The following CHD6 variants were observed in gnomAD, a reference collection of about 807,000 sequenced individuals.
CHD6 encodes the protein chromodomain helicase DNA binding protein 6.
In CHD6, 50 loss-of-function variants were observed where a neutral mutation model predicts 276.9. The observed-to-expected ratio is 0.18, with a 90% CI of 0.14 to 0.23. CHD6 has a LOEUF of 0.23. Among genes scored for constraint, CHD6 ranks in the 10% least tolerant of loss-of-function variants. The probability of loss-of-function intolerance (pLI) is 1.00; values close to 1 mark genes in which losing one functional copy is unlikely to be tolerated. For missense variants in CHD6, 2,564 were observed against 3,365.8 expected, an observed-to-expected ratio of 0.76 and a Z score of 5.89; for synonymous variants, 1,173 against 1,229.3, an observed-to-expected ratio of 0.95 and a Z score of 0.96.
intron 3 of CHD6, among the ~76,000 whole-genome samples, chr20:41,521,268 T>G (rs933661985): frequency 6.6e-6 from 1 of 152,216 alleles, no homozygotes; most frequent in Non-Finnish European, 1.5e-5. Flanking sequence ...TGACTACATA[T>G]TCTCCACTTC....
chr20:41,420,502 C>T lies in CHD6; in HGVS notation c.6127+6G>A, dbSNP rs774100932. 6.2e-7 allele frequency: 1 copy of T among 1,603,300 alleles called. No homozygotes were observed. The highest frequency in any genetic ancestry group is 1.1e-5 in the South Asian group (1 of 89,560). On this transcript the variant is annotated splice_donor_region_variant and intron_variant, in intron 31 of 36. Coordinates refer to ENST00000373233, the MANE Select transcript of CHD6 (RefSeq NM_032221.5). ...CCAAAATGCCACAAGATCCTACATA[C>T]TGTACCTTGACTATGGCAGTTTCCG...
intron 1 of CHD6, among the ~76,000 whole-genome samples, chr20:41,609,637 C>T (rs994389504): frequency 6.6e-6 from 1 of 152,176 alleles, no homozygotes; most frequent in African/African-American, 2.4e-5. Context: ...TTTTAATGTT[C>T]TGTGAGTCTA....
intron 27 of CHD6, among the ~76,000 whole-genome samples, chr20:41,427,454 T>G (rs1217579109): frequency 6.6e-6 from 1 of 152,210 alleles, no homozygotes; most frequent in African/African-American, 2.4e-5. Context: ...ACCATTACTA[T>G]GCTCATTTTA....
intron 16 of CHD6, among the ~76,000 whole-genome samples, chr20:41,478,562 TG>T (rs2043218882): frequency 2.6e-5 from 4 of 152,148 alleles, no homozygotes; most frequent in South Asian, 2.1e-4. Flanking sequence ...CAACTAAGAC[TG>T]CCAGAGAGTG....
chr20:41,526,696 CTG>C (rs1249461218), intron 3 of CHD6, among the ~76,000 whole-genome samples: 1 of 152,178 alleles, frequency 6.6e-6, no homozygotes, highest in Non-Finnish European at 1.5e-5. Context: ...AAAACTGAAA[CTG>C]GGGCTGATCA....
At chr20:41,442,981 TTCTTC>T (rs1185391967) in intron 25 of CHD6, among the ~76,000 whole-genome samples, 3 of 152,234 alleles carry the variant, frequency 2.0e-5, no homozygotes, top group Non-Finnish European at 2.9e-5. Flanking sequence ...CAGAGGCTTT[TTCTTC>T]TCTTGTCTTT....
At chr20:41,601,358 T>G (rs1215985828) in intron 1 of CHD6, among the ~76,000 whole-genome samples, 2 of 152,244 alleles carry the variant, frequency 1.3e-5, no homozygotes, top group Non-Finnish European at 2.9e-5. Flanking sequence ...TTACAATTTA[T>G]ATGCCCAACT....
intron 27 of CHD6, among the ~76,000 whole-genome samples, chr20:41,432,371 A>G (rs1439456627): frequency 6.6e-6 from 1 of 152,148 alleles, no homozygotes; most frequent in African/African-American, 2.4e-5. Flanking sequence ...CCAGGTGGTA[A>G]TAGGGTACCC....
chr20:41,410,365 C>G (rs1453833721), intron 36 of CHD6, among the ~76,000 whole-genome samples: 1 of 152,140 alleles, frequency 6.6e-6, no homozygotes, highest in Non-Finnish European at 1.5e-5. Flanking sequence ...TCACCAGATA[C>G]CCAATCTGTC....
chr20:41,415,752 A>G, intron 33 of CHD6, 114 bp from the exon 34 acceptor site: 2 of 802,352 alleles, frequency 2.5e-6, no homozygotes, highest in Non-Finnish European at 3.9e-6. Context: ...TCATCTTTTT[A>G]GGAGTTCTTC....
intron 16 of CHD6, among the ~76,000 whole-genome samples, chr20:41,481,742 A>G (rs1377707842): frequency 6.6e-6 from 1 of 152,128 alleles, no homozygotes; most frequent in Non-Finnish European, 1.5e-5. Flanking sequence ...TCATTTATAG[A>G]GTCCCTTAAA....
intron 1 of CHD6, among the ~76,000 whole-genome samples, chr20:41,555,048 C>T (rs2045203791): frequency 6.8e-6 from 1 of 146,366 alleles, no homozygotes; most frequent in African/African-American, 2.5e-5. Context: ...GGCGGCTGGC[C>T]GGGTGGGGGG....
chr20:41,543,126 C>CAAT (rs2044977504), intron 2 of CHD6, among the ~76,000 whole-genome samples: 1 of 149,654 alleles, frequency 6.7e-6, no homozygotes, highest in Non-Finnish European at 1.5e-5. Flanking sequence ...AAAAGGATGT[C>CAAT]AATAATAATA....
chr20:41,610,495 C>T (rs1404299809), intron 1 of CHD6, among the ~76,000 whole-genome samples: 1 of 152,150 alleles, frequency 6.6e-6, no homozygotes, highest in Non-Finnish European at 1.5e-5. Context: ...GGTGCGGTAG[C>T]TCACGCCCGT....
At chr20:41,609,108 C>T (rs2045859100) in intron 1 of CHD6, among the ~76,000 whole-genome samples, 1 of 152,166 alleles carries the variant, frequency 6.6e-6, no homozygotes, top group African/African-American at 2.4e-5. Context: ...TAAATTTCAG[C>T]ACACTGGGCT....
intron 12 of CHD6, 54 bp from the exon 13 acceptor site, chr20:41,488,658 C>T: frequency 1.3e-6 from 2 of 1,513,918 alleles, no homozygotes. Flanking sequence ...TAGAATTCTG[C>T]TAATATCTGC....
intron 20 of CHD6, among the ~76,000 whole-genome samples, chr20:41,453,614 G>A (rs141738624): frequency 1.6e-3 from 240 of 152,180 alleles, no homozygotes; most frequent in African/African-American, 5.5e-3. Flanking sequence ...AACAAATGTC[G>A]TGTTATCCCT....
intron 29 of CHD6, 37 bp from the exon 30 acceptor site, chr20:41,423,737 C>T (rs775215136): frequency 5.4e-5 from 85 of 1,567,442 alleles, no homozygotes; most frequent in Non-Finnish European, 6.9e-5. Context: ...TGAGCTCTTT[C>T]TTCTTTTTTT....
At chr20:41,550,513 A>G (rs185260697) in intron 2 of CHD6, among the ~76,000 whole-genome samples, 34 of 152,296 alleles carry the variant, frequency 2.2e-4, no homozygotes, top group African/African-American at 7.5e-4. Context: ...CCCTATTATT[A>G]GACTAGAGTT....
Sources: gnomAD v4.1 joint callset for allele counts (sites outside exome capture counted in the v4.1 genomes callset) on GRCh38, gnomAD v4.1.1 for gene constraint, MANE v1.5 for transcripts, NCBI Gene and HGNC (gene_info 2026-07-23, HGNC 2026-07-21) for gene names.